Variants in ILDR2 observed in about 807,000 individuals in gnomAD.
ILDR2 encodes immunoglobulin-like domain-containing receptor 2.
Under a neutral mutation model 66.8 loss-of-function variants are expected in ILDR2, and 25 were observed. The ratio of observed to expected loss-of-function variants is 0.37; its 90% CI spans 0.27 to 0.52. ILDR2 has a LOEUF of 0.52. ILDR2 is among the 20% of genes least tolerant of loss of function. The pLI, the probability that ILDR2 is intolerant of heterozygous loss-of-function variation, is 0.88. For synonymous variants in ILDR2, 367 were observed against 357.2 expected, an observed-to-expected ratio of 1.03 and a Z score of -0.31; for missense variants, 827 against 876.8, an observed-to-expected ratio of 0.94 and a Z score of 0.72.
chr1:166,957,764 A>T lies in ILDR2; in HGVS notation c.379+5T>A. ...TTCCTAGATTCAAAATAGGGGCATT[A>T]TTACCATGAACAATCGTGATCTCTC... On this transcript the variant is annotated splice_donor_5th_base_variant and intron_variant, in intron 2 of 9. Transcript: ENST00000271417. The T allele has an allele frequency of 6.3e-7, 1 of 1,598,260 alleles. No individual in the cohort carries two copies. Among genetic ancestry groups the T allele is most frequent in the Non-Finnish European group, 8.6e-7 (1 of 1,167,876 alleles).
chr1:166,935,327 C>G lies in ILDR2; in HGVS notation c.854G>C (p.Ser285Thr). 1 of 1,614,142 alleles carries G rather than the reference C, an allele frequency of 6.2e-7. No homozygotes were observed. Among genetic ancestry groups the G allele is most frequent in the East Asian group, 2.2e-5 (1 of 44,866 alleles). ...DKPHPPPLAP[S>T]DSTGGSHSVR... ...ACTGTGGCTTCCTCCAGTGGAGTCA[C>G]TTGGTGCCAAGGGAGGTGGATGCGG... Residue 285 changes from serine (S) to threonine (T), a missense_variant, in exon 6 of 10, where the codon AGT becomes ACT. Around this residue, in one of 2 missense-constraint regions of ILDR2, gnomAD observed 437 missense variants for 523.2 expected, o/e 0.84. Transcript: ENST00000271417.
At chr1:166,969,811 A>G (rs1663174021) in intron 1 of ILDR2, among the ~76,000 whole-genome samples, 1 of 152,164 alleles carries the variant, frequency 6.6e-6, no homozygotes, top group South Asian at 2.1e-4. Context: ...ACTTCAAATA[A>G]CCAAGTCATA....
chr1:166,897,640 A>G (rs1161049260), intron 2 of ILDR2, among the ~76,000 whole-genome samples: 2 of 152,210 alleles, frequency 1.3e-5, no homozygotes, highest in Admixed American at 1.3e-4. Context: ...TGCCTACTTA[A>G]TGACACTCCA....
intron 2 of ILDR2, chr1:166,896,117 A>G (rs573191498): frequency 6.6e-6 from 1 of 152,360 alleles, no homozygotes; most frequent in African/African-American, 2.4e-5. Flanking sequence ...ATGCCAAGGT[A>G]CCATATTTTA....
intron 2 of ILDR2, among the ~76,000 whole-genome samples, chr1:166,896,970 A>G (rs188742958): frequency 6.6e-6 from 1 of 152,242 alleles, no homozygotes; most frequent in African/African-American, 2.4e-5. Flanking sequence ...GGCTCCCAGA[A>G]ACTTTGAAAT....
chr1:166,922,468 T>C, intron 8 of ILDR2, 125 bp downstream of exon 8: 1 of 728,532 alleles, frequency 1.4e-6, no homozygotes, highest in Non-Finnish European at 2.4e-6. Flanking sequence ...AAGAGAGATG[T>C]GTCAGGATAA....
rs1238699856 is a variant in ILDR2, at chr1:166,901,500, T to C, written n.172-5399A>G. Among the ~76,000 whole-genome samples the C allele has an allele frequency of 3.9e-5, 6 of 152,334 alleles. No individual in the cohort carries two copies. The East Asian group carries it at 1.2e-3, about 29-fold the overall frequency. ...AGGCTTTGACACCAAGACATTATTCTTGCTGGTCCTCTCCTCTTCCCTCCC... is the reference window on the plus strand; with the variant it reads ...AGGCTTTGACACCAAGACATTATTCCTGCTGGTCCTCTCCTCTTCCCTCCC... On this transcript the variant is annotated intron_variant and non_coding_transcript_variant, in intron 2 of 2. Coordinates refer to the ILDR2 transcript ENST00000414590.
In ILDR2 at chr1:166,921,275, T is replaced by A. The variant is rs779481297; in HGVS notation, c.1316A>T (p.Gln439Leu). Reference sequence around the variant, plus strand: ...GTTGCCGTCTGCCCGGCGGGGCCGCTGGCCGTAGGAGTCAGCGAAGGCCGC... The same window carrying A: ...GTTGCCGTCTGCCCGGCGGGGCCGCAGGCCGTAGGAGTCAGCGAAGGCCGC... ...ELAAFADSYGQRPRRADGNSH... is the reference protein window; with the variant it reads ...ELAAFADSYGLRPRRADGNSH... The change falls in exon 9 of 10, where the codon CAG (glutamine) becomes CTG (leucine). Residue 439 changes from glutamine to leucine, a missense_variant. Gln to Leu is a moderately radical substitution (Grantham distance 113, BLOSUM62 -2). Coordinates refer to ENST00000271417, the MANE Select transcript of ILDR2 (RefSeq NM_199351.3). This position sits in a 1 kb window ranked among gnomAD's most constrained non-coding sequence, Gnocchi z 5.3. 2 of 1,600,376 alleles carry A rather than the reference T, an allele frequency of 1.2e-6. No individual in the cohort carries two copies. Among genetic ancestry groups the A allele is most frequent in the Non-Finnish European group, 1.7e-6 (2 of 1,175,256 alleles).
chr1:166,927,929 A>G (rs901409106), intron 6 of ILDR2, among the ~76,000 whole-genome samples: 2 of 152,204 alleles, frequency 1.3e-5, no homozygotes, highest in Non-Finnish European at 2.9e-5. Flanking sequence ...AAAGCAGGAG[A>G]GAGAACATCT....
In ILDR2 at chr1:166,939,508, G is replaced by A. The variant is rs376362938; in HGVS notation, c.556+6C>T. The stretch of plus-strand genomic sequence containing the variant: ...CAAGCAAATAAAGAGTTAAATGACC[G>A]AATACCTGGCATAATCTCCACAGCA... On this transcript the variant is annotated splice_donor_region_variant and intron_variant, in intron 4 of 9. Coordinates refer to ENST00000271417, the MANE Select transcript of ILDR2 (RefSeq NM_199351.3). 124 of 1,611,776 alleles carry A rather than the reference G, an allele frequency of 7.7e-5. No homozygotes were observed. The highest frequency in any genetic ancestry group is 5.2e-4 in the African/African-American group (39 of 74,872).
Position 166,915,348 on chromosome 1 carries a change from T to C in ILDR2, c.*4007A>G, listed in dbSNP as rs1659600103. 6.6e-6 allele frequency: 1 copy of C among 152,216 alleles called. No homozygotes were observed. 9.4% of individuals were successfully genotyped at this position (152,216 alleles called of 1,614,324 possible). On this transcript the variant is annotated 3_prime_UTR_variant, in exon 10 of 10. Transcript: ENST00000271417. ...CTAAGGCCCAAGGAAGCCTCAGGAC[T>C]AGCTGTTTGGAGTACCCAGAGGTAT...
chr1:166,939,434 A>G, intron 4 of ILDR2, 80 bp downstream of exon 4: 1 of 1,147,232 alleles, frequency 8.7e-7, no homozygotes, highest in Non-Finnish European at 1.3e-6. Context: ...AAAGTAAAGA[A>G]GCAATTAGCG....
At chr1:166,969,595 G>A (rs182775429) in intron 1 of ILDR2, among the ~76,000 whole-genome samples, 3 of 152,132 alleles carry the variant, frequency 2.0e-5, no homozygotes, top group East Asian at 3.9e-4. Context: ...CTCTTCATTC[G>A]CTCCTTTCCC....
At chr1:166,953,410 ATTC>A (rs1662102924) in intron 3 of ILDR2, among the ~76,000 whole-genome samples, 1 of 152,284 alleles carries the variant, frequency 6.6e-6, no homozygotes, top group East Asian at 1.9e-4. Context: ...AAGAAACCAA[ATTC>A]TTCTTAACTT....
At position 166,916,798 on chromosome 1, in the gene ILDR2, T is replaced by G. The variant is rs998544531; in HGVS notation, c.*2557A>C. The G allele has an allele frequency of 2.0e-5, 3 of 152,272 alleles. No individual in the cohort carries two copies. The highest frequency in any genetic ancestry group is 7.2e-5 in the African/African-American group (3 of 41,472). 9.4% of individuals were successfully genotyped at this position (152,272 alleles called of 1,614,324 possible). On this transcript the variant is annotated 3_prime_UTR_variant, in exon 10 of 10. Transcript: ENST00000271417. ...ACTTTTCAGTCTATCTGTAGTTTTG[T>G]TGTCTTTGGAATTGCAGGTTTCCAA... is the stretch of plus-strand genomic sequence containing the variant.
chr1:166,923,978 T>C (rs1335914449), intron 7 of ILDR2, among the ~76,000 whole-genome samples: 3 of 152,188 alleles, frequency 2.0e-5, no homozygotes, highest in African/African-American at 4.8e-5. Context: ...TGTGGAAATA[T>C]GTGTCTCAGA....
intron 1 of ILDR2, among the ~76,000 whole-genome samples, chr1:166,959,347 C>T (rs1304823389): frequency 6.6e-6 from 1 of 152,190 alleles, no homozygotes; most frequent in Non-Finnish European, 1.5e-5. Context: ...GGTATCTTCC[C>T]TTGCTGCCCT....
Position 166,921,433 on chromosome 1 carries a change from G to C in ILDR2, c.1212-54C>G. 6.9e-7 allele frequency: 1 copy of C among 1,443,040 alleles called. No individual in the cohort carries two copies. The highest frequency in any genetic ancestry group is 9.3e-7 in the Non-Finnish European group (1 of 1,077,330). 89.4% of individuals were successfully genotyped at this position (1,443,040 alleles called of 1,614,324 possible). ...GGCCGGTCCCTCCCTGGAGCTCCAGGTAGGGCTCCCAAGAGCACCCATCGT... is the reference window on the plus strand; with the variant it reads ...GGCCGGTCCCTCCCTGGAGCTCCAGCTAGGGCTCCCAAGAGCACCCATCGT... On this transcript the variant is annotated intron_variant, in intron 8 of 9. Coordinates refer to ENST00000271417, the MANE Select transcript of ILDR2 (RefSeq NM_199351.3). The surrounding 1 kb of genome is among the most constrained non-coding windows in gnomAD (Gnocchi z 5.3).
At chr1:166,922,255 G>GA (rs556992216) in intron 8 of ILDR2, among the ~76,000 whole-genome samples, 289 of 151,440 alleles carry the variant, frequency 1.9e-3, no homozygotes, top group African/African-American at 6.8e-3. Context: ...TGTCTCTACC[G>GA]AAAAAAACAA....
Sources: allele counts gnomAD v4.1 joint callset (sites outside exome capture counted in the v4.1 genomes callset), GRCh38; gene constraint gnomAD v4.1.1; regional missense constraint gnomAD v4.1.1; non-coding constraint Gnocchi (gnomAD v3.1); transcripts MANE v1.5; gene names NCBI Gene and HGNC (gene_info 2026-07-23, HGNC 2026-07-21).